The following GAS2 variants were observed in gnomAD, a reference collection of about 807,000 sequenced individuals.
GAS2 encodes the protein growth arrest-specific protein 2.
In GAS2, 20 loss-of-function variants were observed where a neutral mutation model predicts 37.5. The observed-to-expected ratio is 0.53, with a 90% CI of 0.37 to 0.77. The LOEUF is 0.77. GAS2 is among the 30% of genes least tolerant of loss of function. The pLI, the probability that GAS2 is intolerant of heterozygous loss-of-function variation, is 0.00. For missense variants in GAS2, 336 were observed against 373.4 expected, an observed-to-expected ratio of 0.90 and a Z score of 0.82; for synonymous variants, 144 against 132.2, an observed-to-expected ratio of 1.09 and a Z score of -0.61.
intron 7 of GAS2, among the ~76,000 whole-genome samples, chr11:22,777,681 T>A (rs1034574790): frequency 2.6e-5 from 4 of 152,142 alleles, no homozygotes; most frequent in Non-Finnish European, 5.9e-5. Flanking sequence ...TTAGTTTGAT[T>A]GGAGATTATG....
At chr11:22,764,614 T>A (rs535945844) in intron 7 of GAS2, among the ~76,000 whole-genome samples, 6 of 150,284 alleles carry the variant, frequency 4.0e-5, no homozygotes, top group African/African-American at 1.5e-4. Flanking sequence ...TGAAATTTGG[T>A]ATTTATTACA....
At chr11:22,776,169 A>G (rs1855244895) in intron 7 of GAS2, among the ~76,000 whole-genome samples, 1 of 152,210 alleles carries the variant, frequency 6.6e-6, no homozygotes, top group Admixed American at 6.5e-5. Flanking sequence ...AGCAGTGAAC[A>G]AAATAGTCAG....
At chr11:22,710,499 G>A (rs1321682664) in intron 3 of GAS2, among the ~76,000 whole-genome samples, 5 of 135,898 alleles carry the variant, frequency 3.7e-5, no homozygotes, top group Non-Finnish European at 1.6e-5. Context: ...GTGTGTGTGT[G>A]TGTCTGTGTG....
intron 1 of GAS2, among the ~76,000 whole-genome samples, chr11:22,672,979 G>T (rs538693504): frequency 3.0e-4 from 46 of 152,060 alleles, no homozygotes; most frequent in African/African-American, 1.1e-3. Context: ...TGTATGACAA[G>T]GTGTATTGAA....
intron 1 of GAS2, among the ~76,000 whole-genome samples, chr11:22,631,887 T>C (rs1469794649): frequency 6.6e-6 from 1 of 151,868 alleles, no homozygotes; most frequent in Non-Finnish European, 1.5e-5. Context: ...TTCAGTAGGA[T>C]TGTTACCAGT....
At chr11:22,651,118 T>A (rs190046719) in intron 1 of GAS2, among the ~76,000 whole-genome samples, 3,307 of 152,046 alleles carry the variant, frequency 0.022, 121 homozygotes, top group African/African-American at 0.075. Context: ...GGCCTGCTGG[T>A]GACAAAATCT....
chr11:22,634,346 A>G (rs112245872), intron 1 of GAS2, among the ~76,000 whole-genome samples: 8,090 of 152,220 alleles, frequency 0.053, 730 homozygotes, highest in African/African-American at 0.18. Flanking sequence ...AATTCAAGAT[A>G]AGATTTGGGT....
At chr11:22,726,485 G>C in intron 4 of GAS2, 52 bp downstream of exon 4, 6 of 1,530,236 alleles carry the variant, frequency 3.9e-6, no homozygotes, top group Non-Finnish European at 5.4e-6. Flanking sequence ...ATTATCTTTT[G>C]TCTTTGTCAG....
rs200449601 is a variant in GAS2 at position 22,726,272 on chromosome 11, C to T, written c.268-20C>T. On this transcript the variant is annotated intron_variant, in intron 3 of 7. Transcript: ENST00000454584. ...TAACTTTGACAGATTTCTCCTAGAA[C>T]GAATTTCTTTATTTTTCAGAATCTA... 6.2e-5 allele frequency: 98 copies of T among 1,582,754 alleles called. No homozygotes were observed. In the East Asian group the frequency reaches 8.1e-4, roughly 13 times the overall value.
chr11:22,651,969 T>C (rs1368590116), intron 1 of GAS2, among the ~76,000 whole-genome samples: 5 of 152,196 alleles, frequency 3.3e-5, no homozygotes, highest in Non-Finnish European at 7.3e-5. Context: ...TGAGGAACTG[T>C]GTTCCTTTGG....
chr11:22,720,638 T>A (rs1225771079), intron 3 of GAS2, among the ~76,000 whole-genome samples: 3 of 151,992 alleles, frequency 2.0e-5, no homozygotes, highest in Admixed American at 6.6e-5. Flanking sequence ...CCTGCCTATT[T>A]GAACCGTACA....
intron 7 of GAS2, among the ~76,000 whole-genome samples, chr11:22,789,511 A>G (rs1458804436): frequency 7.7e-5 from 9 of 117,434 alleles, no homozygotes; most frequent in South Asian, 5.9e-4. Flanking sequence ...GCCCAGGCTG[A>G]AGTGCAGTGG....
intron 2 of GAS2, among the ~76,000 whole-genome samples, chr11:22,676,428 A>G: frequency 6.6e-6 from 1 of 152,260 alleles, no homozygotes; most frequent in African/African-American, 2.4e-5. Flanking sequence ...GTAGTGGAAA[A>G]TAAAAGTTAA....
chr11:22,737,607 C>A, intron 4 of GAS2, 98 bp from the exon 5 acceptor site: 1 of 1,090,594 alleles, frequency 9.2e-7, no homozygotes, highest in Non-Finnish European at 1.4e-6. Context: ...TAGATCCTTT[C>A]CTGGGAGCAC....
intron 7 of GAS2, among the ~76,000 whole-genome samples, chr11:22,784,823 C>T (rs1855747522): frequency 6.6e-6 from 1 of 152,120 alleles, no homozygotes; most frequent in African/African-American, 2.4e-5. Flanking sequence ...AGACATTTCT[C>T]CTGTCTCTCT....
At chr11:22,668,251 AT>A (rs1175978378) in intron 1 of GAS2, 3 of 152,450 alleles carry the variant, frequency 2.0e-5, no homozygotes, top group African/African-American at 7.2e-5. Context: ...TTCTCAAGGA[AT>A]GCTTTCCTCT....
chr11:22,741,244 A>C (rs1164750212), intron 5 of GAS2, among the ~76,000 whole-genome samples: 2 of 151,908 alleles, frequency 1.3e-5, no homozygotes, highest in African/African-American at 4.9e-5. Context: ...ATCACTGAAG[A>C]GTGAAATCCC....
chr11:22,640,198 G>A (rs927691788), intron 1 of GAS2, among the ~76,000 whole-genome samples: 2 of 152,270 alleles, frequency 1.3e-5, no homozygotes, highest in Non-Finnish European at 1.5e-5. Flanking sequence ...ACAAATTTGA[G>A]ATGTGTCTTT....
chr11:22,707,740 A>C (rs1004976089), intron 3 of GAS2, among the ~76,000 whole-genome samples: 2 of 152,222 alleles, frequency 1.3e-5, no homozygotes, highest in African/African-American at 2.4e-5. Context: ...TAGTGAATAG[A>C]AAAACATGGT....
Sources: gnomAD v4.1 joint callset for allele counts (sites outside exome capture counted in the v4.1 genomes callset) on GRCh38, gnomAD v4.1.1 for gene constraint, MANE v1.5 for transcripts, NCBI Gene and HGNC (gene_info 2026-07-23, HGNC 2026-07-21) for gene names.